Variants in MATN1 observed in about 807,000 individuals in gnomAD.
The protein encoded by MATN1 is matrilin-1.
A neutral mutation model predicts 41.3 loss-of-function variants in MATN1; 34 were observed. That is an observed-to-expected ratio of 0.82 (90% CI 0.63 to 1.10). The LOEUF (loss-of-function observed/expected upper bound fraction) is 1.10, where lower values mean the gene tolerates loss of function less well. Among genes scored for constraint, MATN1 ranks in the 50% least tolerant of loss-of-function variants. The pLI, the probability that MATN1 is intolerant of heterozygous loss-of-function variation, is 0.00. For missense variants in MATN1, 602 were observed against 662.4 expected (o/e 0.91, Z 1.00); for synonymous variants, 264 against 278.7 (o/e 0.95, Z 0.53).
rs767474588 is a variant in MATN1 at position 30,721,495 on chromosome 1, G to A, written c.351C>T (p.Gly117=). The change falls in exon 2 of 8, where the codon GGC becomes GGT. Residue 117 remains glycine, a synonymous_variant. Transcript: ENST00000373765. ...AVRRIQPLST[G]TMTGLAIQFA... ...ACTGGATGGCCAGGCCGGTCATGGT[G>A]CCTGTGGACAGCGGCTGGATACGGC... The A allele has an allele frequency of 6.2e-7, 1 of 1,613,536 alleles. No homozygotes were observed. The highest frequency in any genetic ancestry group is 8.5e-7 in the Non-Finnish European group (1 of 1,180,028).
At chr1:30,715,813 C>T (rs1569827665) in intron 5 of MATN1, 96 bp downstream of exon 5, 1 of 1,290,916 alleles carries the variant, frequency 7.7e-7, no homozygotes, top group East Asian at 2.4e-5. Flanking sequence ...GTTTAGGGCA[C>T]TAATCAGACG....
chr1:30,712,824 C>T lies in MATN1; in HGVS notation c.*758G>A, dbSNP rs959775342. 1 of 152,202 alleles carries T rather than the reference C, an allele frequency of 6.6e-6. No individual in the cohort carries two copies. Among genetic ancestry groups the T allele is most frequent in the Non-Finnish European group, 1.5e-5 (1 of 68,066 alleles). The allele number at this position is 152,202 out of a possible 1,614,324, so 9.4% of individuals were successfully genotyped here. On this transcript the variant is annotated 3_prime_UTR_variant, in exon 8 of 8. Transcript: ENST00000373765. ...TGCCCTTTTTCTCTGAAGCCTTTTT[C>T]TTTTGATGTTCTTCAGTCCTAGATT...
chr1:30,722,761 TC>T (rs752285083), intron 1 of MATN1, among the ~76,000 whole-genome samples: 4 of 152,080 alleles, frequency 2.6e-5, no homozygotes, highest in Admixed American at 2.0e-4. Flanking sequence ...TCACAGTAAC[TC>T]ACAGTGCCCT....
chr1:30,715,957 G>T lies in MATN1; in HGVS notation c.1159C>A (p.Arg387=). 1 of 1,614,142 alleles carries T rather than the reference G, an allele frequency of 6.2e-7. No individual in the cohort carries two copies. Among genetic ancestry groups the T allele is most frequent in the East Asian group, 2.2e-5 (1 of 44,888 alleles). The change falls in exon 5 of 8, where the codon CGG becomes AGG. Residue 387 remains arginine, a synonymous_variant. Coordinates refer to ENST00000373765, the MANE Select transcript of MATN1 (RefSeq NM_002379.3). ...GCATCATTAATGTAGTCCTGGCTCCGGCCATCAGTGAAGACAATGCCCACC... is the reference window on the plus strand; with the variant it reads ...GCATCATTAATGTAGTCCTGGCTCCTGCCATCAGTGAAGACAATGCCCACC... ...QKVGIVFTDG[R]SQDYINDAAK...
rs764218833 is a variant in MATN1 at position 30,715,934 on chromosome 1, A to G, written c.1182T>C (p.Asp394=). The change falls in exon 5 of 8, where the codon GAT becomes GAC. Residue 394 remains aspartate (D), a synonymous_variant. Transcript: ENST00000373765. The stretch of plus-strand genomic sequence containing the variant: ...CGAGGTCTTTGGCCTTCTTGGCAGC[A>G]TCATTAATGTAGTCCTGGCTCCGGC... ...TDGRSQDYIN[D]AAKKAKDLGF... 36 of 1,613,552 alleles carry G rather than the reference A, an allele frequency of 2.2e-5. No individual in the cohort carries two copies. Among genetic ancestry groups the G allele is most frequent in the Admixed American group, 1.3e-4 (8 of 60,004 alleles).
intron 7 of MATN1, 146 bp from the exon 8 acceptor site, chr1:30,713,777 T>C: frequency 1.4e-6 from 1 of 699,200 alleles, no homozygotes; most frequent in Non-Finnish European, 2.6e-6. Context: ...CTCAGAATGG[T>C]GCTTTCCAAA....
intron 6 of MATN1, 139 bp from the exon 7 acceptor site, chr1:30,714,466 A>G (rs1310937617): frequency 8.8e-6 from 6 of 681,968 alleles, no homozygotes; most frequent in African/African-American, 3.6e-5. Context: ...GGAGGCAGAA[A>G]GATATAGATA....
chr1:30,723,363 C>G (rs1365961641), intron 1 of MATN1, 95 bp downstream of exon 1: 1 of 925,272 alleles, frequency 1.1e-6, no homozygotes, highest in Non-Finnish European at 1.5e-6. Context: ...CATCCTGGAT[C>G]CCGTGTGCTC....
rs535547494 is a variant in MATN1, at chr1:30,712,524, TCA to T, written c.*1056_*1057del. 204 of 152,506 alleles carry T rather than the reference TCA, an allele frequency of 1.3e-3. No homozygotes were observed. Among genetic ancestry groups the T allele is most frequent in the Non-Finnish European group, 2.5e-3 (168 of 68,252 alleles). 9.4% of individuals were successfully genotyped at this position (152,506 alleles called of 1,614,324 possible). A position where few individuals can be genotyped will look rare whatever the true frequency, so the allele number is the denominator to read the frequency against. On this transcript the variant is annotated 3_prime_UTR_variant, in exon 8 of 8. Transcript: ENST00000373765. ...CCAGGCTGGAGCCCTTCCCATCATC[TCA>T]CACACACACTCACCCCGTGGGCTCC...
At chr1:30,721,160 T>G in intron 2 of MATN1, 1 of 533,094 alleles carries the variant, frequency 1.9e-6, no homozygotes. Context: ...CAAGGTCAAC[T>G]AAACTGAAAT....
Position 30,721,470 on chromosome 1 carries a change from A to T in MATN1, c.376T>A (p.Phe126Ile). The T allele has an allele frequency of 6.2e-7, 1 of 1,613,664 alleles. No homozygotes were observed. ...TGTMTGLAIQ[F>I]AITKAFGDAE... ...TCGCCGAAGGCTTTGGTGATAGCGA[A>T]CTGGATGGCCAGGCCGGTCATGGTG... The change falls in exon 2 of 8, where the codon TTC becomes ATC. Residue 126 changes from phenylalanine (F) to isoleucine (I), a missense_variant. Transcript: ENST00000373765.
chr1:30,722,857 C>T, intron 1 of MATN1, among the ~76,000 whole-genome samples: 1 of 152,206 alleles, frequency 6.6e-6, no homozygotes, highest in East Asian at 1.9e-4. Context: ...CTCGCTAAGG[C>T]TACAAATGGG....
chr1:30,716,720 T>C (rs1639622510), intron 4 of MATN1, 70 bp downstream of exon 4: 1 of 1,577,330 alleles, frequency 6.3e-7, no homozygotes, highest in East Asian at 2.3e-5. Context: ...CTTGAATGGG[T>C]TTCCTGGGGA....
chr1:30,716,237 C>T lies in MATN1; in HGVS notation c.879G>A (p.Leu293=). ...SKSVRPENFE[L]VKKFISQIVD... is the part of the protein sequence containing the mutation. ...CGATCTGACTGATGAACTTCTTCACCAGCTCAAAGTTCTCTGGCCTCACAC... is the reference window on the plus strand; with the variant it reads ...CGATCTGACTGATGAACTTCTTCACTAGCTCAAAGTTCTCTGGCCTCACAC... The change falls in exon 5 of 8, where the codon CTG becomes CTA. Residue 293 remains leucine (L), a synonymous_variant. Coordinates refer to ENST00000373765, the MANE Select transcript of MATN1 (RefSeq NM_002379.3). The T allele has an allele frequency of 2.5e-6, 4 of 1,614,206 alleles. No individual in the cohort carries two copies. The highest frequency in any genetic ancestry group is 3.4e-6 in the Non-Finnish European group (4 of 1,180,046).
intron 3 of MATN1, among the ~76,000 whole-genome samples, chr1:30,718,246 G>C (rs1188408): frequency 0.56 from 84,587 of 150,426 alleles, 25,015 homozygotes; most frequent in African/African-American, 0.76. Context: ...TCACTTTAGC[G>C]CTGGCTCCGC....
intron 2 of MATN1, 40 bp from the exon 3 acceptor site, chr1:30,718,997 GC>G: frequency 7.0e-7 from 1 of 1,433,096 alleles, no homozygotes; most frequent in Non-Finnish European, 9.3e-7. Context: ...GCTCCCGGAA[GC>G]CCACGGGACT....
chr1:30,718,766 C>T lies in MATN1; in HGVS notation c.633G>A (p.Lys211=). 1 of 1,601,362 alleles carries T rather than the reference C, an allele frequency of 6.2e-7. No individual in the cohort carries two copies. Among genetic ancestry groups the T allele is most frequent in the African/African-American group, 1.3e-5 (1 of 74,374 alleles). ...AGGCCTCCTGGAACTTCCTGGACAG[C>T]TTCTCGATGACGCTGTAGCTCTCCA... ...DYVESYSVIE[K]LSRKFQEAFC... Residue 211 remains lysine, a synonymous_variant, in exon 3 of 8, where the codon AAG becomes AAA. Transcript: ENST00000373765.
In MATN1 at chr1:30,717,642, G is replaced by GTTTTTTTTTTTTT. The variant is rs751915676; in HGVS notation, c.665-728_665-727insAAAAAAAAAAAAA. Among the ~76,000 whole-genome samples, 10 of 109,976 alleles carry GTTTTTTTTTTTTT rather than the reference G, an allele frequency of 9.1e-5. 2 individuals carry two copies. Among genetic ancestry groups the GTTTTTTTTTTTTT allele is most frequent in the African/African-American group, 3.9e-4 (9 of 23,042 alleles). The allele number at this position is 109,976 out of a possible 152,430, so 72.1% of individuals were successfully genotyped here. A position where few individuals can be genotyped will look rare whatever the true frequency, so the allele number is the denominator to read the frequency against. ...GGCTCTGTTGTTTTTTGTGTGTGCG[G>GTTTTTTTTTTTTT]TTTTTTTTTTTGTTTTGTTTTTTTT... On this transcript the variant is annotated intron_variant, in intron 3 of 7. Coordinates refer to ENST00000373765, the MANE Select transcript of MATN1 (RefSeq NM_002379.3).
chr1:30,713,624 A>G lies in MATN1; in HGVS notation c.1449T>C (p.Ala483=). The part of the protein sequence containing the change: ...LLQALTRKLE[A]VSKRLAILEN... ...CCAGGATGGCCAGCCGCTTACTCAC[A>G]GCTTCCAGTGGACTCAGAGTTAAGG... Residue 483 remains alanine (A), a synonymous_variant, in exon 8 of 8, where the codon GCT becomes GCC. Transcript: ENST00000373765. The G allele has an allele frequency of 1.9e-6, 3 of 1,553,518 alleles. No individual in the cohort carries two copies. Among genetic ancestry groups the G allele is most frequent in the Non-Finnish European group, 2.6e-6 (3 of 1,147,734 alleles).
Sources: allele counts gnomAD v4.1 joint callset (sites outside exome capture counted in the v4.1 genomes callset), GRCh38; gene constraint gnomAD v4.1.1; transcripts MANE v1.5; gene names NCBI Gene and HGNC (gene_info 2026-07-23, HGNC 2026-07-21).